The following GRB14 variants were observed in gnomAD, a reference collection of about 807,000 sequenced individuals.
GRB14 encodes growth factor receptor-bound protein 14.
In GRB14, 38 loss-of-function variants were observed where a neutral mutation model predicts 69.1. The ratio of observed to expected loss-of-function variants is 0.55; its 90% confidence interval spans 0.42 to 0.72. The LOEUF (loss-of-function observed/expected upper bound fraction) is 0.72. Ranked by LOEUF, GRB14 falls within the 30% of genes least tolerant of loss-of-function variation. GRB14 has a pLI of 0.00. For missense variants in GRB14, 666 were observed against 666.1 expected (o/e 1.00, Z 0.00); for synonymous variants, 247 against 241.3 (o/e 1.02, Z -0.22).
At chr2:164,608,234 T>G (rs1329221960) in intron 2 of GRB14, among the ~76,000 whole-genome samples, 1 of 151,892 alleles carries the variant, frequency 6.6e-6, no homozygotes, top group African/African-American at 2.4e-5. Context: ...TAGCCAGGTG[T>G]GGCGGCGAGT....
In GRB14 at chr2:164,621,470, C is replaced by T. The variant is rs1043466764; in HGVS notation, c.-161G>A. The stretch of plus-strand genomic sequence containing the variant: ...GGGCCCCGGCGGCTGAGACGCGCGG[C>T]CGAGCTATCTGCGAGGCGGCGGGGG... On this transcript the variant is annotated 5_prime_UTR_variant, in exon 1 of 14. Coordinates refer to ENST00000263915, the MANE Select transcript of GRB14 (RefSeq NM_004490.3). The surrounding 1 kb of genome is among the most constrained non-coding windows in gnomAD (Gnocchi z 6.0). The T allele has an allele frequency of 1.1e-5, 4 of 364,696 alleles. No individual in the cohort carries two copies. The highest frequency in any genetic ancestry group is 8.7e-5 in the East Asian group (2 of 23,058). The allele number at this position is 364,696 out of a possible 1,614,324, so 22.6% of individuals were successfully genotyped here.
At chr2:164,583,541 A>G (rs1689464146) in intron 2 of GRB14, among the ~76,000 whole-genome samples, 1 of 152,222 alleles carries the variant, frequency 6.6e-6, no homozygotes, top group Non-Finnish European at 1.5e-5. Flanking sequence ...AGTGTTAACA[A>G]TATCATTTCA....
chr2:164,590,278 T>C (rs1689631688), intron 2 of GRB14, among the ~76,000 whole-genome samples: 1 of 152,158 alleles, frequency 6.6e-6, no homozygotes, highest in African/African-American at 2.4e-5. Context: ...TCTAAACAAC[T>C]TTTTGCTCAT....
At chr2:164,521,848 C>A (rs1349709009) in intron 6 of GRB14, 132 bp downstream of exon 6, 2 of 759,604 alleles carry the variant, frequency 2.6e-6, no homozygotes, top group South Asian at 3.5e-5. Context: ...TCAAGGCAAA[C>A]GTTTTAAATC....
At chr2:164,611,560 T>G (rs1690167466) in intron 2 of GRB14, among the ~76,000 whole-genome samples, 1 of 151,318 alleles carries the variant, frequency 6.6e-6, no homozygotes, top group African/African-American at 2.4e-5. Context: ...TAGAGCCAAA[T>G]GTGTATTGGA....
intron 2 of GRB14, among the ~76,000 whole-genome samples, chr2:164,555,620 T>TA (rs1240818486): frequency 2.7e-5 from 4 of 150,686 alleles, no homozygotes; most frequent in Non-Finnish European, 4.4e-5. Context: ...CAATTTAAAA[T>TA]AATTTAAATA....
At chr2:164,533,278 G>GGT (rs1475329686) in intron 3 of GRB14, among the ~76,000 whole-genome samples, 3 of 124,868 alleles carry the variant, frequency 2.4e-5, no homozygotes. Context: ...TGTCGCCCAT[G>GGT]GTGGAGTGCA....
At chr2:164,496,884 C>A in intron 12 of GRB14, 124 bp downstream of exon 12, 2 of 714,828 alleles carry the variant, frequency 2.8e-6, no homozygotes, top group Non-Finnish European at 4.9e-6. Flanking sequence ...ATTTATAGAA[C>A]AATGTCACTT....
intron 3 of GRB14, among the ~76,000 whole-genome samples, chr2:164,528,383 A>C (rs1189742739): frequency 6.6e-6 from 1 of 152,090 alleles, no homozygotes; most frequent in African/African-American, 2.4e-5. Context: ...CCAAATAAGG[A>C]ATATGGAAAC....
Position 164,508,848 on chromosome 2 carries a change from GGTTCCTT to G in GRB14, c.817-3_820del. On this transcript the variant is annotated splice_acceptor_variant and splice_polypyrimidine_tract_variant and coding_sequence_variant and intron_variant, in exon 7 of 14. Coordinates refer to ENST00000263915, the MANE Select transcript of GRB14 (RefSeq NM_004490.3). LOFTEE classifies it high-confidence loss of function. Reference sequence around the variant, plus strand: ...TTCGCTGAAAAACTGCAAATGCCGCGGTTCCTTAAAAAAAAAAGTATTGACATGGATA... The same window carrying G: ...TTCGCTGAAAAACTGCAAATGCCGCGAAAAAAAAAAGTATTGACATGGATA... 1.3e-6 allele frequency: 2 copies of G among 1,561,708 alleles called. No homozygotes were observed. The highest frequency in any genetic ancestry group is 1.4e-5 in the African/African-American group (1 of 71,438).
At chr2:164,547,842 A>C (rs534846289) in intron 2 of GRB14, 26 bp from the exon 3 acceptor site, 18 of 1,540,496 alleles carry the variant, frequency 1.2e-5, no homozygotes, top group Middle Eastern at 1.7e-4. Context: ...CAAGAAAAAG[A>C]CCTAAAATAT....
At chr2:164,601,690 T>G (rs1175434545) in intron 2 of GRB14, among the ~76,000 whole-genome samples, 1 of 152,126 alleles carries the variant, frequency 6.6e-6, no homozygotes, top group African/African-American at 2.4e-5. Context: ...ATAACATATT[T>G]GAAATTATCT....
At chr2:164,507,301 A>C (rs1687216433) in intron 8 of GRB14, among the ~76,000 whole-genome samples, 2 of 152,194 alleles carry the variant, frequency 1.3e-5, no homozygotes. Flanking sequence ...TACAAACTGC[A>C]AATCAATTGA....
At chr2:164,510,764 C>T (rs1007618982) in intron 6 of GRB14, among the ~76,000 whole-genome samples, 8 of 152,140 alleles carry the variant, frequency 5.3e-5, no homozygotes, top group African/African-American at 1.4e-4. Context: ...AGTCCTGGTG[C>T]ATTCACCACA....
chr2:164,557,171 A>G (rs188228386), intron 2 of GRB14, among the ~76,000 whole-genome samples: 7 of 152,320 alleles, frequency 4.6e-5, no homozygotes, highest in Admixed American at 3.3e-4. Flanking sequence ...CTGAGGAAGA[A>G]AGGAGTGAAC....
chr2:164,607,781 T>G (rs760202214), intron 2 of GRB14, among the ~76,000 whole-genome samples: 10 of 152,226 alleles, frequency 6.6e-5, no homozygotes, highest in Admixed American at 2.0e-4. Context: ...CCCTTCAACT[T>G]AAATGTACTT....
intron 2 of GRB14, chr2:164,574,037 A>C: frequency 7.8e-7 from 1 of 1,280,070 alleles, no homozygotes; most frequent in South Asian, 1.2e-5. Context: ...TTGTTGCAGC[A>C]ATAAATATGT....
intron 2 of GRB14, among the ~76,000 whole-genome samples, chr2:164,570,589 G>C (rs909032731): frequency 6.6e-6 from 1 of 152,114 alleles, no homozygotes; most frequent in Non-Finnish European, 1.5e-5. Context: ...ATCAGGGCAG[G>C]CTGCAAGAAG....
At chr2:164,502,583 CAT>C (rs1687084438) in intron 8 of GRB14, among the ~76,000 whole-genome samples, 1 of 151,676 alleles carries the variant, frequency 6.6e-6, no homozygotes, top group Admixed American at 6.6e-5. Context: ...CAGGAGCTGA[CAT>C]ATCTACTCAT....
Sources: gnomAD v4.1 joint callset for allele counts (sites outside exome capture counted in the v4.1 genomes callset) on GRCh38, gnomAD v4.1.1 for gene constraint, Gnocchi (gnomAD v3.1) non-coding constraint, MANE v1.5 for transcripts, NCBI Gene and HGNC (gene_info 2026-07-23, HGNC 2026-07-21) for gene names.